NIBAN1: variants seen among roughly 807,000 people sequenced by gnomAD.
NIBAN1 encodes niban apoptosis regulator 1.
Under a neutral mutation model 75.1 loss-of-function variants are expected in NIBAN1, and 81 were observed. The ratio of observed to expected loss-of-function variants is 1.08; its 90% CI spans 0.90 to 1.30. The LOEUF is 1.30. Among genes scored for constraint, NIBAN1 ranks in the 50% most tolerant of loss-of-function variants. The pLI is 0.00. For missense variants in NIBAN1, 1,133 were observed against 1,128.1 expected, an observed-to-expected ratio of 1.00 and a Z score of -0.06; for synonymous variants, 436 against 424.8, an observed-to-expected ratio of 1.03 and a Z score of -0.32.
intron 5 of NIBAN1, among the ~76,000 whole-genome samples, chr1:184,867,151 GTCTC>G (rs139222042): frequency 2.6e-4 from 38 of 143,678 alleles, no homozygotes; most frequent in African/African-American, 6.1e-4. Context: ...CTCTCTCTCG[GTCTC>G]TCTCTCTCTC....
chr1:184,821,765 G>A (rs766938218), intron 8 of NIBAN1, among the ~76,000 whole-genome samples: 3 of 152,114 alleles, frequency 2.0e-5, no homozygotes, highest in Non-Finnish European at 4.4e-5. Context: ...TAGATTAGTT[G>A]TACTAATGGA....
chr1:184,799,069 T>C (rs1444377574), intron 12 of NIBAN1, among the ~76,000 whole-genome samples: 2 of 152,156 alleles, frequency 1.3e-5, no homozygotes, highest in East Asian at 3.8e-4. Context: ...TACTTTAAGT[T>C]TTAGGGTACA....
chr1:184,800,546 G>A (rs952469356), intron 12 of NIBAN1, among the ~76,000 whole-genome samples: 1 of 151,062 alleles, frequency 6.6e-6, no homozygotes. Flanking sequence ...TTTTGTATAA[G>A]GTGTAAGGAA....
At chr1:184,937,659 A>G (rs1414968351) in intron 1 of NIBAN1, among the ~76,000 whole-genome samples, 1 of 152,252 alleles carries the variant, frequency 6.6e-6, no homozygotes, top group Admixed American at 6.5e-5. Context: ...TCGTAACAAA[A>G]TAAAAGCAGG....
At chr1:184,896,841 TC>T (rs1301109391) in intron 2 of NIBAN1, among the ~76,000 whole-genome samples, 1 of 152,166 alleles carries the variant, frequency 6.6e-6, no homozygotes, top group Non-Finnish European at 1.5e-5. Flanking sequence ...TTATCAAAGA[TC>T]AGTTGGTTGT....
intron 1 of NIBAN1, among the ~76,000 whole-genome samples, chr1:184,904,825 C>T (rs527855319): frequency 1.1e-4 from 17 of 152,192 alleles, no homozygotes; most frequent in African/African-American, 3.9e-4. Flanking sequence ...GTGGTGCACA[C>T]CTGTAATCCC....
intron 1 of NIBAN1, among the ~76,000 whole-genome samples, chr1:184,952,483 G>C (rs564725939): frequency 1.3e-5 from 2 of 152,226 alleles, no homozygotes; most frequent in African/African-American, 4.8e-5. Context: ...CCAGTCTTTG[G>C]GATTCCCCGG....
intron 5 of NIBAN1, among the ~76,000 whole-genome samples, chr1:184,874,763 CCA>C (rs1429965306): frequency 6.6e-6 from 1 of 151,750 alleles, no homozygotes; most frequent in Non-Finnish European, 1.5e-5. Context: ...AGCAAAAAAT[CCA>C]CAGAGGAGGT....
chr1:184,823,101 C>T, intron 8 of NIBAN1, 66 bp downstream of exon 8: 1 of 1,543,836 alleles, frequency 6.5e-7, no homozygotes, highest in Non-Finnish European at 8.8e-7. Flanking sequence ...TGCATTCCTG[C>T]TATGTGGTGG....
chr1:184,858,717 G>A (rs892559494), intron 5 of NIBAN1, among the ~76,000 whole-genome samples: 3 of 152,166 alleles, frequency 2.0e-5, no homozygotes, highest in African/African-American at 7.2e-5. Flanking sequence ...ATAAGAACAT[G>A]AGGATATATG....
intron 5 of NIBAN1, among the ~76,000 whole-genome samples, chr1:184,878,146 T>A (rs889555649): frequency 6.6e-6 from 1 of 152,208 alleles, no homozygotes; most frequent in African/African-American, 2.4e-5. Context: ...GCAACACTGC[T>A]TTAGACAACA....
At chr1:184,966,092 A>G (rs1024068566) in intron 1 of NIBAN1, among the ~76,000 whole-genome samples, 2 of 152,252 alleles carry the variant, frequency 1.3e-5, no homozygotes, top group Non-Finnish European at 2.9e-5. Flanking sequence ...AGAGGCAGAC[A>G]TTATTATAAA....
chr1:184,883,705 C>A (rs1656436945), intron 5 of NIBAN1, among the ~76,000 whole-genome samples: 1 of 152,174 alleles, frequency 6.6e-6, no homozygotes, highest in African/African-American at 2.4e-5. Flanking sequence ...GCTAGAAAAG[C>A]CAAGTCCAGG....
At chr1:184,837,103 G>A (rs1349376873) in intron 5 of NIBAN1, among the ~76,000 whole-genome samples, 2 of 152,200 alleles carry the variant, frequency 1.3e-5, no homozygotes, top group Non-Finnish European at 2.9e-5. Context: ...ATGTACAGGT[G>A]TTCAAGAGAA....
intron 9 of NIBAN1, among the ~76,000 whole-genome samples, chr1:184,815,005 A>G (rs1654487768): frequency 6.6e-6 from 1 of 152,214 alleles, no homozygotes; most frequent in African/African-American, 2.4e-5. Flanking sequence ...GAATATATTG[A>G]TATGGTGACT....
At chr1:184,853,989 A>G (rs942704810) in intron 5 of NIBAN1, among the ~76,000 whole-genome samples, 2 of 152,258 alleles carry the variant, frequency 1.3e-5, no homozygotes, top group Admixed American at 1.3e-4. Context: ...AAAAAAAGAC[A>G]CAAGTAAGAT....
In NIBAN1 at chr1:184,902,340, G is replaced by A. The variant is rs917001388; in HGVS notation, c.56-3031C>T. On this transcript the variant is annotated intron_variant, in intron 1 of 13. Transcript: ENST00000367511. ...ACTTGCCAGCTGTGAGATCTCATGT[G>A]AGTTACTTCTTTCTGCTCACATGTT... Among the ~76,000 whole-genome samples, 6 of 152,172 alleles carry A rather than the reference G, an allele frequency of 3.9e-5. No homozygotes were observed. The East Asian group carries it at 9.6e-4, about 24-fold the overall frequency.
intron 1 of NIBAN1, among the ~76,000 whole-genome samples, chr1:184,905,760 A>G (rs536965664): frequency 6.6e-6 from 1 of 152,218 alleles, no homozygotes; most frequent in African/African-American, 2.4e-5. Context: ...AATATAGCTT[A>G]TCTCTCCTCC....
At chr1:184,893,374 ACCTT>A (rs1328817521) in intron 3 of NIBAN1, among the ~76,000 whole-genome samples, 1 of 152,122 alleles carries the variant, frequency 6.6e-6, no homozygotes, top group Non-Finnish European at 1.5e-5. Context: ...ATACCACACT[ACCTT>A]CCTACATAAG....
Sources: allele counts gnomAD v4.1 joint callset (sites outside exome capture counted in the v4.1 genomes callset), GRCh38; gene constraint gnomAD v4.1.1; transcripts MANE v1.5; gene names NCBI Gene and HGNC (gene_info 2026-07-23, HGNC 2026-07-21).